SLC9A9: variants seen among roughly 807,000 people sequenced by gnomAD.
The protein encoded by SLC9A9 is solute carrier family 9 member A9, also known as sodium/hydrogen exchanger 9.
SLC9A9 carries 62 observed loss-of-function variants against 77.8 expected under a neutral mutation model. The observed-to-expected ratio is 0.80, with a 90% CI of 0.65 to 0.98. The LOEUF (loss-of-function observed/expected upper bound fraction) is 0.98. Ranked by LOEUF, SLC9A9 falls within the 50% of genes least tolerant of loss-of-function variation. The pLI, the probability that SLC9A9 is intolerant of heterozygous loss-of-function variation, is 0.00. For synonymous variants in SLC9A9, 320 were observed against 283.5 expected, an observed-to-expected ratio of 1.13 and a Z score of -1.29; for missense variants, 775 against 774.9, an observed-to-expected ratio of 1.00 and a Z score of 0.00.
At chr3:143,476,808 G>GGGA (rs780277096) in intron 11 of SLC9A9, among the ~76,000 whole-genome samples, 2 of 152,196 alleles carry the variant, frequency 1.3e-5, no homozygotes, top group African/African-American at 2.4e-5. Flanking sequence ...CAAAGTAGGA[G>GGGA]GGAGGAGTGG....
At chr3:143,674,851 A>C (rs1036943934) in intron 5 of SLC9A9, among the ~76,000 whole-genome samples, 2 of 152,220 alleles carry the variant, frequency 1.3e-5, no homozygotes, top group Non-Finnish European at 2.9e-5. Context: ...TCAGATTAAA[A>C]ATATCAGTTC....
intron 13 of SLC9A9, among the ~76,000 whole-genome samples, chr3:143,369,701 C>T (rs1167122691): frequency 1.3e-5 from 2 of 152,132 alleles, no homozygotes; most frequent in Admixed American, 1.3e-4. Flanking sequence ...CCTAATTTCT[C>T]TTCCTGTTGG....
chr3:143,496,972 G>A (rs2035846111), intron 9 of SLC9A9, among the ~76,000 whole-genome samples: 1 of 152,074 alleles, frequency 6.6e-6, no homozygotes, highest in South Asian at 2.1e-4. Flanking sequence ...TCACACCGAG[G>A]AGAGAGAGAT....
At position 143,382,695 on chromosome 3, in the gene SLC9A9, A is replaced by G. The variant is rs557275413; in HGVS notation, c.1470-581T>C. 2.5e-3 allele frequency among the ~76,000 whole-genome samples: 379 copies of G among 152,328 alleles called. 3 individuals carry two copies. The highest frequency in any genetic ancestry group is 8.7e-3 in the African/African-American group (363 of 41,560). ...TCTTCAGAAGGATAAGTTACAAAAA[A>G]AATTACATATGTTTTTAAAGCTGGC... On this transcript the variant is annotated intron_variant, in intron 12 of 15. Coordinates refer to ENST00000316549, the MANE Select transcript of SLC9A9 (RefSeq NM_173653.4).
At chr3:143,709,256 G>C (rs1934077498) in intron 4 of SLC9A9, among the ~76,000 whole-genome samples, 1 of 152,170 alleles carries the variant, frequency 6.6e-6, no homozygotes, top group Non-Finnish European at 1.5e-5. Context: ...CCCAGACCAA[G>C]TAAATCAGAA....
In SLC9A9 at chr3:143,848,205, A is replaced by G. The variant is rs867963343; in HGVS notation, c.118T>C (p.Leu40=). The change falls in exon 1 of 16, where the codon TTA becomes CTA. Residue 40 remains leucine (L), a synonymous_variant. Transcript: ENST00000316549. ...LLILTILTIW[L]FKNHRFRFLH... is the part of the protein sequence containing the mutation. ...AAGCGGAATCGATGATTTTTAAATAACCAGATTGTCAAAATGGTAAGGATG... is the reference window on the plus strand; with the variant it reads ...AAGCGGAATCGATGATTTTTAAATAGCCAGATTGTCAAAATGGTAAGGATG... The G allele has an allele frequency of 6.2e-7, 1 of 1,614,014 alleles. No individual in the cohort carries two copies. Among genetic ancestry groups the G allele is most frequent in the Middle Eastern group, 1.6e-4 (1 of 6,062 alleles).
intron 6 of SLC9A9, among the ~76,000 whole-genome samples, chr3:143,639,648 T>C (rs1346011550): frequency 6.6e-6 from 1 of 152,228 alleles, no homozygotes; most frequent in Non-Finnish European, 1.5e-5. Flanking sequence ...TTATCCTGAA[T>C]GTTGGTATGG....
intron 9 of SLC9A9, among the ~76,000 whole-genome samples, chr3:143,498,381 C>T (rs145304901): frequency 1.1e-4 from 16 of 152,110 alleles, no homozygotes; most frequent in African/African-American, 3.4e-4. Context: ...TGGTGAAACC[C>T]AGTCTCTACT....
intron 4 of SLC9A9, among the ~76,000 whole-genome samples, chr3:143,706,296 T>C (rs1392229451): frequency 2.6e-5 from 4 of 152,200 alleles, no homozygotes; most frequent in African/African-American, 9.7e-5. Context: ...GGAATGCCTG[T>C]CCTGATTGAG....
chr3:143,286,049 C>A (rs1184707802), intron 14 of SLC9A9, among the ~76,000 whole-genome samples: 1 of 152,006 alleles, frequency 6.6e-6, no homozygotes, highest in Non-Finnish European at 1.5e-5. Context: ...GTAATATGCC[C>A]AGAGCTGAAA....
intron 12 of SLC9A9, among the ~76,000 whole-genome samples, chr3:143,417,944 T>C (rs1424545358): frequency 6.6e-6 from 1 of 151,814 alleles, no homozygotes; most frequent in Non-Finnish European, 1.5e-5. Flanking sequence ...TCCATGCACT[T>C]CTTGTGGTCT....
rs184963714 is a variant in SLC9A9, at chr3:143,493,639, C to T, written c.1315+14G>A. On this transcript the variant is annotated intron_variant, in intron 11 of 15. Coordinates refer to ENST00000316549, the MANE Select transcript of SLC9A9 (RefSeq NM_173653.4). ...GAAAACCAGCAGCACTAACATATAA[C>T]ATAGTTCACATACCTGAAAACATCA... The T allele has an allele frequency of 7.5e-6, 12 of 1,602,306 alleles. No homozygotes were observed. The African/African-American group carries it at 1.5e-4, about 20-fold the overall frequency.
chr3:143,380,604 G>A (rs1465693546), intron 13 of SLC9A9, among the ~76,000 whole-genome samples: 1 of 152,148 alleles, frequency 6.6e-6, no homozygotes, highest in Non-Finnish European at 1.5e-5. Flanking sequence ...TCCTTTCTAA[G>A]GTCACCAGGC....
At chr3:143,467,833 T>TTAATTCCTC (rs2035311645) in intron 11 of SLC9A9, among the ~76,000 whole-genome samples, 2 of 151,904 alleles carry the variant, frequency 1.3e-5, no homozygotes, top group African/African-American at 4.8e-5. Context: ...TCCCACATAC[T>TTAATTCCTC]CACTCCTTAA....
chr3:143,438,938 G>A (rs935636381), intron 12 of SLC9A9, among the ~76,000 whole-genome samples: 6 of 152,142 alleles, frequency 3.9e-5, no homozygotes, highest in Admixed American at 1.3e-4. Flanking sequence ...TGCTTCCTGT[G>A]TTCTTACTAA....
At chr3:143,414,958 G>A (rs2034165322) in intron 12 of SLC9A9, among the ~76,000 whole-genome samples, 2 of 152,192 alleles carry the variant, frequency 1.3e-5, no homozygotes, top group Non-Finnish European at 2.9e-5. Flanking sequence ...TGCTACTCCT[G>A]GGAACACACC....
At chr3:143,568,741 T>A (rs149426212) in intron 8 of SLC9A9, among the ~76,000 whole-genome samples, 3 of 152,324 alleles carry the variant, frequency 2.0e-5, no homozygotes, top group African/African-American at 7.2e-5. Context: ...GCTTCAGACA[T>A]TCTTTTGGTG....
At chr3:143,290,082 C>A (rs899673853) in intron 14 of SLC9A9, among the ~76,000 whole-genome samples, 1 of 152,196 alleles carries the variant, frequency 6.6e-6, no homozygotes, top group Non-Finnish European at 1.5e-5. Context: ...CTCTGAGAAA[C>A]CTTCCCTGAC....
At chr3:143,283,996 G>GGTAGTTT (rs1938301241) in intron 14 of SLC9A9, among the ~76,000 whole-genome samples, 1 of 151,284 alleles carries the variant, frequency 6.6e-6, no homozygotes, top group Admixed American at 6.6e-5. Context: ...ATAATGTTTT[G>GGTAGTTT]GTAGTTTGTT....
Sources: allele counts gnomAD v4.1 joint callset (sites outside exome capture counted in the v4.1 genomes callset), GRCh38; gene constraint gnomAD v4.1.1; transcripts MANE v1.5; gene names NCBI Gene and HGNC (gene_info 2026-07-23, HGNC 2026-07-21).